The following FGF6 variants were observed in gnomAD, a reference collection of about 807,000 sequenced individuals.
FGF6 encodes the protein FGF-6.
Under a neutral mutation model 18.4 loss-of-function variants are expected in FGF6, and 14 were observed. The ratio of observed to expected loss-of-function variants is 0.76; its 90% CI spans 0.50 to 1.19. FGF6 has a LOEUF of 1.19. Among genes scored for constraint, FGF6 ranks in the 50% most tolerant of loss-of-function variants. FGF6 has a pLI of 0.00. For synonymous variants in FGF6, 125 were observed against 116.7 expected, an observed-to-expected ratio of 1.07 and a Z score of -0.46; for missense variants, 266 against 271.6, an observed-to-expected ratio of 0.98 and a Z score of 0.15.
rs772894302 is a variant in FGF6 at position 4,434,305 on chromosome 12, G to A, written c.537C>T (p.Thr179=). 4.4e-5 allele frequency: 71 copies of A among 1,614,048 alleles called. No homozygotes were observed. The highest frequency in any genetic ancestry group is 5.9e-5 in the Non-Finnish European group (70 of 1,180,022). The part of the protein sequence containing the change: ...NAYESDLYQG[T]YIALSKYGRV... The stretch of plus-strand genomic sequence containing the variant: ...GTCCGTATTTGCTCAGGGCAATGTA[G>A]GTCCCTTGGTACAAGTCTGACTCGT... Residue 179 remains threonine (T), a synonymous_variant, in exon 3 of 3, where the codon ACC becomes ACT. Coordinates refer to ENST00000228837, the MANE Select transcript of FGF6 (RefSeq NM_020996.3).
chr12:4,434,610 C>T (rs1052669063), intron 2 of FGF6, among the ~76,000 whole-genome samples: 2 of 152,092 alleles, frequency 1.3e-5, no homozygotes, highest in African/African-American at 4.8e-5. Context: ...ACCTTCCCTC[C>T]TTTACGATAA....
In FGF6 at chr12:4,434,338, G is replaced by A. The variant is rs1201787374; in HGVS notation, c.504C>T (p.Tyr168=). ...KFRETLLPNN[Y]NAYESDLYQG... is the part of the protein sequence containing the mutation. ...GGTACAAGTCTGACTCGTAGGCATT[G>A]TAATTGTTGGGCAGGAGGGTTTCTC... The change falls in exon 3 of 3, where the codon TAC becomes TAT. Residue 168 remains tyrosine (Y), a synonymous_variant. Coordinates refer to ENST00000228837, the MANE Select transcript of FGF6 (RefSeq NM_020996.3). The A allele has an allele frequency of 1.2e-6, 2 of 1,614,080 alleles. No homozygotes were observed. The highest frequency in any genetic ancestry group is 1.7e-6 in the Non-Finnish European group (2 of 1,180,034).
At chr12:4,436,128 C>T (rs574022546) in intron 2 of FGF6, among the ~76,000 whole-genome samples, 7 of 152,210 alleles carry the variant, frequency 4.6e-5, no homozygotes, top group African/African-American at 1.7e-4. Flanking sequence ...GGCAGTGTAG[C>T]TGGACGAGAA....
Position 4,434,326 on chromosome 12 carries a change from C to T in FGF6, c.516G>A (p.Glu172=), listed in dbSNP as rs775984036. The T allele has an allele frequency of 4.3e-6, 7 of 1,614,162 alleles. No homozygotes were observed. In the Admixed American group the frequency reaches 5.0e-5, roughly 12 times the overall value. ...TLLPNNYNAY[E]SDLYQGTYIA... ...TGTAGGTCCCTTGGTACAAGTCTGACTCGTAGGCATTGTAATTGTTGGGCA... is the reference window on the plus strand; with the variant it reads ...TGTAGGTCCCTTGGTACAAGTCTGATTCGTAGGCATTGTAATTGTTGGGCA... Residue 172 remains glutamate (E), a synonymous_variant, in exon 3 of 3, where the codon GAG becomes GAA. Coordinates refer to ENST00000228837, the MANE Select transcript of FGF6 (RefSeq NM_020996.3).
chr12:4,444,405 G>A (rs1238169275), intron 1 of FGF6, among the ~76,000 whole-genome samples, 169 bp from the exon 2 acceptor site: 1 of 152,136 alleles, frequency 6.6e-6, no homozygotes, highest in Admixed American at 6.5e-5. Context: ...TGGACTCATC[G>A]AGTGCTGCCA....
rs1242246869 is a variant in FGF6 at position 4,445,282 on chromosome 12, G to A, written c.289C>T (p.His97Tyr). The A allele has an allele frequency of 6.2e-7, 1 of 1,614,034 alleles. No individual in the cohort carries two copies. Among genetic ancestry groups the A allele is most frequent in the South Asian group, 1.1e-5 (1 of 91,084 alleles). The stretch of plus-strand genomic sequence containing the variant: ...CGGCCGTCGGGGAGCACCTGGAGGT[G>A]AAAGCCGATGCCCACGTTGCAGTAG... ...RLYCNVGIGF[H>Y]LQVLPDGRIS... Residue 97 changes from histidine to tyrosine, a missense_variant, in exon 1 of 3, where the codon CAC becomes TAC. His to Tyr is a moderately conservative substitution (Grantham distance 83, BLOSUM62 2). Transcript: ENST00000228837. This position sits in a 1 kb window ranked among gnomAD's most constrained non-coding sequence, Gnocchi z 5.5.
chr12:4,434,969 G>T (rs373872139), intron 2 of FGF6, among the ~76,000 whole-genome samples: 1 of 152,092 alleles, frequency 6.6e-6, no homozygotes, highest in East Asian at 1.9e-4. Context: ...GGAGGGGGAG[G>T]AGACACAAGT....
chr12:4,437,007 T>C (rs1386357743), intron 2 of FGF6, among the ~76,000 whole-genome samples: 1 of 152,214 alleles, frequency 6.6e-6, no homozygotes, highest in Non-Finnish European at 1.5e-5. Context: ...CAAGAACATA[T>C]TTGTGCCACA....
In FGF6 at chr12:4,445,448, G is replaced by A. The variant is rs1338742088; in HGVS notation, c.123C>T (p.Gly41=). 1.2e-6 allele frequency: 2 copies of A among 1,613,312 alleles called. No individual in the cohort carries two copies. Among genetic ancestry groups the A allele is most frequent in the Non-Finnish European group, 1.7e-6 (2 of 1,180,024 alleles). Residue 41 remains glycine (G), a synonymous_variant, in exon 1 of 3, where the codon GGC becomes GGT. Coordinates refer to ENST00000228837, the MANE Select transcript of FGF6 (RefSeq NM_020996.3). The surrounding 1 kb of genome is among the most constrained non-coding windows in gnomAD (Gnocchi z 5.5). ...LVGMVVPSPA[G]TRANNTLLDS... ...CCAGCAGCGTGTTGTTGGCACGGGT[G>A]CCTGCAGGCGAGGGCACCACCATGC...
chr12:4,437,530 GA>G (rs1016160296), intron 2 of FGF6, among the ~76,000 whole-genome samples: 2 of 152,132 alleles, frequency 1.3e-5, no homozygotes, highest in African/African-American at 4.8e-5. Context: ...GCAAGCTTGG[GA>G]GCAGCAGCAC....
intron 2 of FGF6, among the ~76,000 whole-genome samples, chr12:4,442,684 G>A (rs373166443): frequency 1.1e-4 from 16 of 152,292 alleles, no homozygotes; most frequent in East Asian, 7.7e-4. Context: ...ACCCTACAGA[G>A]GGGAAACCTG....
chr12:4,434,418 A>G, intron 2 of FGF6, 27 bp from the exon 3 acceptor site: 1 of 1,613,346 alleles, frequency 6.2e-7, no homozygotes, highest in Non-Finnish European at 8.5e-7. Context: ...CAAACAGCAG[A>G]GACTGGGTTA....
Position 4,445,176 on chromosome 12 carries a change from C to T in FGF6, c.346+49G>A, listed in dbSNP as rs1275170520. On this transcript the variant is annotated intron_variant, in intron 1 of 2. Coordinates refer to ENST00000228837, the MANE Select transcript of FGF6 (RefSeq NM_020996.3). The surrounding 1 kb of genome is among the most constrained non-coding windows in gnomAD (Gnocchi z 5.5). ...AGGGCCCCTTCACCTTTTAGCCCTG[C>T]ATGAGCCCAAACCCCCAAGCGTCCC... is the stretch of plus-strand genomic sequence containing the variant. 3 of 1,497,550 alleles carry T rather than the reference C, an allele frequency of 2.0e-6. No homozygotes were observed. Among genetic ancestry groups the T allele is most frequent in the Non-Finnish European group, 2.7e-6 (3 of 1,102,140 alleles). 92.8% of individuals were successfully genotyped at this position (1,497,550 alleles called of 1,614,324 possible). A position where few individuals can be genotyped will look rare whatever the true frequency, so the allele number is the denominator to read the frequency against.
chr12:4,435,780 G>A (rs1169887323), intron 2 of FGF6, among the ~76,000 whole-genome samples: 55 of 152,166 alleles, frequency 3.6e-4, no homozygotes. Flanking sequence ...TGGACTTCCT[G>A]TCTCGCATGC....
At chr12:4,442,486 T>C (rs1010003059) in intron 2 of FGF6, among the ~76,000 whole-genome samples, 6 of 152,246 alleles carry the variant, frequency 3.9e-5, no homozygotes, top group African/African-American at 1.2e-4. Context: ...AAATGGTTTG[T>C]TGATAAAGGC....
intron 2 of FGF6, among the ~76,000 whole-genome samples, chr12:4,443,311 T>G (rs978704731): frequency 7.9e-5 from 12 of 152,210 alleles, no homozygotes; most frequent in African/African-American, 2.9e-4. Flanking sequence ...CTTTGATATT[T>G]TTTGAGGCCT....
chr12:4,443,987 GC>G, intron 2 of FGF6, 145 bp downstream of exon 2: 1 of 599,846 alleles, frequency 1.7e-6, no homozygotes, highest in East Asian at 3.0e-5. Context: ...AAGCTGCAAG[GC>G]CCCTCCCTTT....
chr12:4,442,913 T>G (rs1444405842), intron 2 of FGF6, among the ~76,000 whole-genome samples: 1 of 152,174 alleles, frequency 6.6e-6, no homozygotes, highest in Non-Finnish European at 1.5e-5. Flanking sequence ...CTGGCAAATT[T>G]AAAATACAAA....
intron 2 of FGF6, among the ~76,000 whole-genome samples, chr12:4,437,170 C>T (rs1466554723): frequency 6.6e-6 from 1 of 151,168 alleles, no homozygotes; most frequent in Non-Finnish European, 1.5e-5. Context: ...TGAAATTATG[C>T]ATGGAAAGTC....
Sources: gnomAD v4.1 joint callset for allele counts (sites outside exome capture counted in the v4.1 genomes callset) on GRCh38, gnomAD v4.1.1 for gene constraint, Gnocchi (gnomAD v3.1) non-coding constraint, MANE v1.5 for transcripts, NCBI Gene and HGNC (gene_info 2026-07-23, HGNC 2026-07-21) for gene names.